ARNT2: variants seen among roughly 807,000 people sequenced by gnomAD.
ARNT2 encodes the protein ARNT protein 2.
A neutral mutation model predicts 91.7 loss-of-function variants in ARNT2; 36 were observed. The ratio of observed to expected loss-of-function variants is 0.39; its 90% CI spans 0.30 to 0.52. The LOEUF (loss-of-function observed/expected upper bound fraction) is 0.52. ARNT2 is among the 20% of genes least tolerant of loss of function. ARNT2 has a pLI of 0.72. For missense variants in ARNT2, 775 were observed against 939.3 expected (o/e 0.83, Z 2.29); for synonymous variants, 365 against 347.1 (o/e 1.05, Z -0.57).
chr15:80,520,662 C>G (rs545627094), intron 8 of ARNT2, among the ~76,000 whole-genome samples: 1 of 151,974 alleles, frequency 6.6e-6, no homozygotes, highest in Admixed American at 6.6e-5. Flanking sequence ...GAGATGATAA[C>G]GTGAGTGTAT....
intron 3 of ARNT2, among the ~76,000 whole-genome samples, chr15:80,458,362 T>C (rs1896508314): frequency 6.6e-6 from 1 of 152,170 alleles, no homozygotes; most frequent in African/African-American, 2.4e-5. Flanking sequence ...TCATTCTTCC[T>C]GAAAAGCCCT....
chr15:80,483,941 T>C (rs1402835354), intron 5 of ARNT2, among the ~76,000 whole-genome samples: 4 of 152,226 alleles, frequency 2.6e-5, no homozygotes, highest in Non-Finnish European at 4.4e-5. Flanking sequence ...AGGCAGATAA[T>C]TGATCCCACA....
At chr15:80,575,758 C>T (rs2141477134) in intron 14 of ARNT2, among the ~76,000 whole-genome samples, 1 of 152,310 alleles carries the variant, frequency 6.6e-6, no homozygotes, top group South Asian at 2.1e-4. Flanking sequence ...AGTGGAACGT[C>T]AAGGCACACA....
intron 1 of ARNT2, among the ~76,000 whole-genome samples, chr15:80,426,145 G>GC (rs1203636303): frequency 6.6e-6 from 1 of 152,054 alleles, no homozygotes; most frequent in East Asian, 1.9e-4. Context: ...TTTCAGTGAA[G>GC]CAGCAAAATG....
chr15:80,457,225 G>A lies in ARNT2; in HGVS notation c.147-704G>A, dbSNP rs145738815. ...TTTTGTCTTATGTTTACACTGAGAG[G>A]CCCAGTAAAGGGTGAATCTGAATAA... On this transcript the variant is annotated intron_variant, in intron 2 of 18. Transcript: ENST00000303329. Among the ~76,000 whole-genome samples the A allele has an allele frequency of 4.0e-3, 603 of 152,280 alleles. 10 individuals carry two copies. The highest frequency in any genetic ancestry group is 3.2e-3 in the Non-Finnish European group (221 of 68,026).
At chr15:80,490,321 G>A (rs1026517429) in intron 5 of ARNT2, among the ~76,000 whole-genome samples, 5 of 152,130 alleles carry the variant, frequency 3.3e-5, no homozygotes, top group African/African-American at 1.2e-4. Flanking sequence ...GCCTTGAGGG[G>A]TGGGTGTAAC....
intron 1 of ARNT2, among the ~76,000 whole-genome samples, chr15:80,445,447 T>C (rs1018300104): frequency 6.7e-6 from 1 of 149,028 alleles, no homozygotes; most frequent in Non-Finnish European, 1.5e-5. Context: ...GTGAGTGTTG[T>C]GTATGTGTGT....
At chr15:80,442,581 A>G (rs1175488249) in intron 1 of ARNT2, among the ~76,000 whole-genome samples, 1 of 152,256 alleles carries the variant, frequency 6.6e-6, no homozygotes, top group Non-Finnish European at 1.5e-5. Context: ...GCAAAAGGAA[A>G]TAATGTCCTG....
intron 17 of ARNT2, among the ~76,000 whole-genome samples, chr15:80,590,881 C>G (rs1456054592): frequency 9.9e-5 from 15 of 152,196 alleles, no homozygotes; most frequent in Admixed American, 9.8e-4. Context: ...GGAACCTTAT[C>G]TTGTCTGACC....
In ARNT2 at chr15:80,589,974, G is replaced by A. The variant is rs114715891; in HGVS notation, c.1919-1594G>A. Among the ~76,000 whole-genome samples the A allele has an allele frequency of 5.0e-3, 769 of 152,290 alleles. 7 individuals carry two copies. The highest frequency in any genetic ancestry group is 0.018 in the African/African-American group (733 of 41,560). ...CAACTATTGTCATCATGTAGAGTTTGAAAAGCACCAATGGTAAGGCATTAA... is the reference window on the plus strand; with the variant it reads ...CAACTATTGTCATCATGTAGAGTTTAAAAAGCACCAATGGTAAGGCATTAA... On this transcript the variant is annotated intron_variant, in intron 17 of 18. Transcript: ENST00000303329.
chr15:80,566,525 C>A (rs1383196628), intron 12 of ARNT2, among the ~76,000 whole-genome samples: 1 of 152,198 alleles, frequency 6.6e-6, no homozygotes, highest in African/African-American at 2.4e-5. Flanking sequence ...CACCTGACTT[C>A]CTGATCTCGG....
At chr15:80,465,780 T>C (rs927753334) in intron 3 of ARNT2, among the ~76,000 whole-genome samples, 1 of 152,204 alleles carries the variant, frequency 6.6e-6, no homozygotes, top group Non-Finnish European at 1.5e-5. Flanking sequence ...CAGGCCTGCG[T>C]GGGGACTTTC....
At chr15:80,486,891 C>T (rs74029820) in intron 5 of ARNT2, among the ~76,000 whole-genome samples, 5,677 of 152,180 alleles carry the variant, frequency 0.037, 207 homozygotes, top group East Asian at 0.13. Context: ...CAGATGTGAA[C>T]GTGGTTACAG....
chr15:80,426,572 T>C (rs1418953031), intron 1 of ARNT2, among the ~76,000 whole-genome samples: 1 of 152,212 alleles, frequency 6.6e-6, no homozygotes, highest in Non-Finnish European at 1.5e-5. Context: ...GCTTGGTTCA[T>C]GCAAGGCCGT....
chr15:80,408,304 G>A (rs748836857), intron 1 of ARNT2, among the ~76,000 whole-genome samples: 16 of 152,270 alleles, frequency 1.1e-4, no homozygotes, highest in Middle Eastern at 6.8e-3. Flanking sequence ...GTCTACTAGG[G>A]GAGGCATAGG....
intron 1 of ARNT2, among the ~76,000 whole-genome samples, 153 bp from the exon 2 acceptor site, chr15:80,450,727 C>G (rs1377755182): frequency 2.6e-5 from 4 of 152,358 alleles, no homozygotes; most frequent in African/African-American, 9.6e-5. Flanking sequence ...AGACTTGCCC[C>G]AGCCACATAG....
chr15:80,517,402 T>G (rs1411348694), intron 8 of ARNT2, among the ~76,000 whole-genome samples: 1 of 152,150 alleles, frequency 6.6e-6, no homozygotes, highest in East Asian at 1.9e-4. Context: ...TCTCCTTCAG[T>G]TTGAATATAA....
intron 1 of ARNT2, among the ~76,000 whole-genome samples, chr15:80,450,190 G>A (rs1896365260): frequency 6.6e-6 from 1 of 152,216 alleles, no homozygotes; most frequent in Admixed American, 6.5e-5. Flanking sequence ...TGCAGGAAAG[G>A]TACTCTTATT....
chr15:80,446,808 C>T (rs780170975), intron 1 of ARNT2, among the ~76,000 whole-genome samples: 9 of 152,172 alleles, frequency 5.9e-5, no homozygotes, highest in Non-Finnish European at 1.0e-4. Context: ...TAAGCCAATC[C>T]GTCCCATTAT....
Sources: allele counts gnomAD v4.1 joint callset (sites outside exome capture counted in the v4.1 genomes callset), GRCh38; gene constraint gnomAD v4.1.1; transcripts MANE v1.5; gene names NCBI Gene and HGNC (gene_info 2026-07-23, HGNC 2026-07-21).